Variants in AIM2 observed in about 807,000 individuals in gnomAD.
The protein encoded by AIM2 is interferon-inducible protein AIM2.
AIM2 carries 30 observed loss-of-function variants against 27.7 expected under a neutral mutation model. The observed-to-expected ratio is 1.08, with a 90% CI of 0.81 to 1.47. The LOEUF (loss-of-function observed/expected upper bound fraction) is 1.47, where lower values mean the gene tolerates loss of function less well. AIM2 is among the 40% of genes most tolerant of loss of function. The pLI is 0.00. For synonymous variants in AIM2, 141 were observed against 145.3 expected (o/e 0.97, Z 0.21); for missense variants, 358 against 411.3 (o/e 0.87, Z 1.12).
In AIM2 at chr1:159,130,651, C is replaced by G. The variant is rs74347251; in HGVS notation, c.-16+9780G>C. ...CCCTCAGTTTTATCCTCTTCTCTCT[C>G]TTTCTCTCCACTTCTCTAATACAAG... On this transcript the variant is annotated intron_variant, in intron 1 of 2. Transcript: ENST00000368129. 4.1e-3 allele frequency among the ~76,000 whole-genome samples: 616 copies of G among 152,092 alleles called. 4 individuals carry two copies. Among genetic ancestry groups the G allele is most frequent in the African/African-American group, 0.014 (581 of 41,492 alleles).
At chr1:159,096,073 G>C (rs1460267754) in intron 1 of AIM2, among the ~76,000 whole-genome samples, 3 of 152,144 alleles carry the variant, frequency 2.0e-5, no homozygotes. Flanking sequence ...CTGGGCTTTG[G>C]GATGACTCCA....
intron 1 of AIM2, chr1:159,132,132 G>C (rs1411792547): frequency 1.4e-5 from 2 of 147,390 alleles, no homozygotes; most frequent in African/African-American, 5.0e-5. Context: ...TGGATCAACT[G>C]AAGTCAGGAG....
chr1:159,125,292 T>C (rs950085241), intron 1 of AIM2, among the ~76,000 whole-genome samples: 1 of 152,178 alleles, frequency 6.6e-6, no homozygotes, highest in Non-Finnish European at 1.5e-5. Context: ...TACCTAACCG[T>C]AGGCACATAT....
At chr1:159,136,118 G>A (rs959630348) in intron 1 of AIM2, among the ~76,000 whole-genome samples, 1 of 152,148 alleles carries the variant, frequency 6.6e-6, no homozygotes, top group African/African-American at 2.4e-5. Context: ...TGGGCAGAAC[G>A]TACTCTTGGA....
At chr1:159,056,741 A>AC in the AIM2 span, among the ~76,000 whole-genome samples, 10 of 143,924 alleles carry the variant, frequency 6.9e-5, no homozygotes, top group South Asian at 1.9e-3. Context: ...AAAAAAAAAA[A>AC]AAAAAAACTA....
chr1:159,094,744 T>A (rs1484616704), intron 1 of AIM2, among the ~76,000 whole-genome samples: 7 of 152,188 alleles, frequency 4.6e-5, no homozygotes, highest in Non-Finnish European at 2.9e-5. Context: ...TCACTGAATT[T>A]TTTTAAGTAT....
intron 1 of AIM2, among the ~76,000 whole-genome samples, chr1:159,126,238 G>A (rs1263979655): frequency 1.3e-5 from 2 of 152,160 alleles, no homozygotes; most frequent in Non-Finnish European, 2.9e-5. Flanking sequence ...CACTGGCCTG[G>A]GAGTCTCCAC....
upstream of AIM2, chr1:159,081,573 T>C (rs1220747714): frequency 4.2e-6 from 2 of 480,668 alleles, no homozygotes; most frequent in African/African-American, 2.0e-5. Flanking sequence ...TGAGTATTGA[T>C]TTTGCAGTCT....
At chr1:159,109,174 T>C (rs1657514390) in intron 1 of AIM2, among the ~76,000 whole-genome samples, 1 of 152,126 alleles carries the variant, frequency 6.6e-6, no homozygotes, top group Admixed American at 6.5e-5. Flanking sequence ...CAAAACAGCA[T>C]ACCAGTACAG....
intron 1 of AIM2, among the ~76,000 whole-genome samples, chr1:159,127,132 C>G (rs1647715634): frequency 1.3e-5 from 2 of 152,270 alleles, no homozygotes; most frequent in African/African-American, 2.4e-5. Flanking sequence ...AGAAAGAATG[C>G]AATTGATGAG....
At chr1:159,119,072 T>C (rs1451138403) in intron 1 of AIM2, among the ~76,000 whole-genome samples, 1 of 152,170 alleles carries the variant, frequency 6.6e-6, no homozygotes, top group African/African-American at 2.4e-5. Flanking sequence ...CAATGGCTCC[T>C]TGGGATCCGC....
At chr1:159,068,076 G>A (rs1001248775) in intron 3 of AIM2, among the ~76,000 whole-genome samples, 1 of 152,026 alleles carries the variant, frequency 6.6e-6, no homozygotes, top group Non-Finnish European at 1.5e-5. Flanking sequence ...CTCTGAATTG[G>A]ATCTCTGATG....
At chr1:159,055,718 T>G in the AIM2 span, among the ~76,000 whole-genome samples, 1 of 152,248 alleles carries the variant, frequency 6.6e-6, no homozygotes, top group Non-Finnish European at 1.5e-5. Context: ...TTATTCAGAA[T>G]AGAATAGCAG....
chr1:159,061,003 A>C (rs906030324), downstream of AIM2, among the ~76,000 whole-genome samples: 143 of 152,326 alleles, frequency 9.4e-4, 1 homozygote, highest in African/African-American at 3.3e-3. Flanking sequence ...TCCCACCAGC[A>C]ATAAGTAAGA....
intron 2 of AIM2, among the ~76,000 whole-genome samples, chr1:159,072,523 C>T (rs781543057): frequency 3.3e-5 from 5 of 152,128 alleles, no homozygotes; most frequent in Non-Finnish European, 5.9e-5. Flanking sequence ...AGACATAAAG[C>T]TGGGACATAT....
intron 2 of AIM2, among the ~76,000 whole-genome samples, chr1:159,072,372 C>T (rs1429883119): frequency 6.6e-6 from 1 of 152,206 alleles, no homozygotes; most frequent in Non-Finnish European, 1.5e-5. Context: ...CCTTGTTGTA[C>T]ACCCACAAAT....
At chr1:159,085,417 A>T (rs74122257) in intron 1 of AIM2, among the ~76,000 whole-genome samples, 5,648 of 152,290 alleles carry the variant, frequency 0.037, 363 homozygotes, top group African/African-American at 0.13. Flanking sequence ...GGCTCAGGAA[A>T]GTAGGTGAAT....
rs531637277 is a variant in AIM2, at chr1:159,102,181, A to C, written c.-15-35852T>G. On this transcript the variant is annotated intron_variant, in intron 1 of 2. Coordinates refer to the AIM2 transcript ENST00000368129. ...CTATGGCTAAAAGGGGCCATTGTAC[A>C]GCTCAATCCAGTGCTTCAGAGGGTG... Among the ~76,000 whole-genome samples, 20 of 152,328 alleles carry C rather than the reference A, an allele frequency of 1.3e-4. No individual in the cohort carries two copies. The South Asian group carries it at 3.5e-3, about 27-fold the overall frequency.
intron 1 of AIM2, among the ~76,000 whole-genome samples, chr1:159,097,393 T>C (rs1657201776): frequency 6.6e-6 from 1 of 152,090 alleles, no homozygotes; most frequent in African/African-American, 2.4e-5. Flanking sequence ...CACTCTTTAT[T>C]CCTTCCAGTC....
Sources: gnomAD v4.1 joint callset for allele counts (sites outside exome capture counted in the v4.1 genomes callset) on GRCh38, gnomAD v4.1.1 for gene constraint, MANE v1.5 for transcripts, NCBI Gene and HGNC (gene_info 2026-07-23, HGNC 2026-07-21) for gene names.